Variants in LRRC7 observed in about 807,000 individuals in gnomAD.
LRRC7 encodes the protein leucine rich repeat containing 7.
A neutral mutation model predicts 175.7 loss-of-function variants in LRRC7; 23 were observed. The observed-to-expected ratio is 0.13, with a 90% CI of 0.09 to 0.19. The LOEUF (loss-of-function observed/expected upper bound fraction) is 0.19, where lower values mean the gene tolerates loss of function less well. Among genes scored for constraint, LRRC7 ranks in the 10% least tolerant of loss-of-function variants. The pLI is 1.00. For missense variants in LRRC7, 1,354 were observed against 1,904.7 expected (o/e 0.71, Z 5.38); for synonymous variants, 685 against 680.9 (o/e 1.01, Z -0.09).
chr1:69,579,320 G>C (rs370814605), intron 1 of LRRC7, among the ~76,000 whole-genome samples: 2 of 152,062 alleles, frequency 1.3e-5, no homozygotes, highest in East Asian at 1.9e-4. Context: ...ATAGTTTAAT[G>C]AAACTTCAGA....
At chr1:69,608,860 CTCTCTCTA>C (rs1241943245) in intron 1 of LRRC7, among the ~76,000 whole-genome samples, 99 of 23,414 alleles carry the variant, frequency 4.2e-3, no homozygotes, top group East Asian at 9.7e-3. Flanking sequence ...CTCTCTCTCT[CTCTCTCTA>C]TATATATATA....
chr1:69,833,545 A>G (rs1423631747), intron 5 of LRRC7, among the ~76,000 whole-genome samples: 1 of 152,140 alleles, frequency 6.6e-6, no homozygotes, highest in African/African-American at 2.4e-5. Flanking sequence ...TGCAAATATT[A>G]TATGTATATA....
At chr1:69,796,136 A>T (rs1453289927) in intron 4 of LRRC7, among the ~76,000 whole-genome samples, 3 of 96,342 alleles carry the variant, frequency 3.1e-5, no homozygotes, top group Non-Finnish European at 5.8e-5. Flanking sequence ...ACCCCTCAAC[A>T]GTCCCTGGTG....
intron 7 of LRRC7, among the ~76,000 whole-genome samples, chr1:69,928,614 G>T (rs867460288): frequency 2.0e-5 from 3 of 152,242 alleles, no homozygotes; most frequent in South Asian, 4.1e-4. Context: ...TCCGAGCCAT[G>T]TGCGGGATGT....
chr1:70,059,355 C>T (rs1251806911), intron 23 of LRRC7, among the ~76,000 whole-genome samples: 1 of 152,130 alleles, frequency 6.6e-6, no homozygotes, highest in Non-Finnish European at 1.5e-5. Flanking sequence ...TTATGCTGAA[C>T]TTGCCTGTGA....
At chr1:69,829,789 TG>T (rs2101283029) in intron 5 of LRRC7, among the ~76,000 whole-genome samples, 1 of 151,924 alleles carries the variant, frequency 6.6e-6, no homozygotes, top group African/African-American at 2.4e-5. Flanking sequence ...TTGAATACTT[TG>T]CAGGAAAGTA....
At chr1:69,844,766 T>C (rs1484143348) in intron 7 of LRRC7, among the ~76,000 whole-genome samples, 3 of 152,154 alleles carry the variant, frequency 2.0e-5, no homozygotes, top group Non-Finnish European at 2.9e-5. Flanking sequence ...CCATTCACTA[T>C]ATTTTACCAT....
chr1:69,906,359 C>T (rs1211588956), intron 7 of LRRC7, among the ~76,000 whole-genome samples: 1 of 152,094 alleles, frequency 6.6e-6, no homozygotes, highest in African/African-American at 2.4e-5. Context: ...AATAGTATTG[C>T]CTAGGTTTTC....
intron 3 of LRRC7, among the ~76,000 whole-genome samples, chr1:69,777,465 C>A (rs1360819198): frequency 2.6e-5 from 4 of 152,184 alleles, no homozygotes; most frequent in Non-Finnish European, 5.9e-5. Context: ...CATCTATTCT[C>A]ATATTCTCAG....
At chr1:69,799,987 A>G (rs1306102001) in intron 4 of LRRC7, among the ~76,000 whole-genome samples, 1 of 152,078 alleles carries the variant, frequency 6.6e-6, no homozygotes, top group Non-Finnish European at 1.5e-5. Context: ...AGCAGCATTT[A>G]TTGAAGAGGG....
chr1:69,975,059 T>A (rs1557947479), intron 8 of LRRC7, among the ~76,000 whole-genome samples: 1 of 152,342 alleles, frequency 6.6e-6, no homozygotes, highest in East Asian at 1.9e-4. Context: ...TTAAATGAGA[T>A]CCTTTAAAAT....
intron 1 of LRRC7, among the ~76,000 whole-genome samples, chr1:69,642,570 T>C (rs1454119333): frequency 6.6e-6 from 1 of 152,040 alleles, no homozygotes; most frequent in African/African-American, 2.4e-5. Context: ...TCTTCTTGTT[T>C]GCTCTAACGT....
At chr1:69,977,793 C>T (rs540365242) in intron 8 of LRRC7, among the ~76,000 whole-genome samples, 200 of 152,258 alleles carry the variant, frequency 1.3e-3, no homozygotes, top group African/African-American at 4.7e-3. Flanking sequence ...GGCAGAAACG[C>T]ATGCTGGACA....
chr1:69,830,317 T>A lies in LRRC7; in HGVS notation c.501-4463T>A, dbSNP rs751090171. 2.0e-5 allele frequency among the ~76,000 whole-genome samples: 3 copies of A among 151,822 alleles called. No individual in the cohort carries two copies. In the East Asian group the frequency reaches 5.8e-4, roughly 29 times the overall value. ...AGTGTCTCTGTTTGCCCAAATCATC[T>A]CTGTTTACTATTCTTGATTTGGCAT... On this transcript the variant is annotated intron_variant, in intron 5 of 26. Coordinates refer to ENST00000651989, the MANE Select transcript of LRRC7 (RefSeq NM_001370785.2).
chr1:70,053,929 T>C (rs1051488499), intron 23 of LRRC7, among the ~76,000 whole-genome samples: 2 of 152,160 alleles, frequency 1.3e-5, no homozygotes, highest in Admixed American at 6.6e-5. Flanking sequence ...GCAAAAGATA[T>C]GCCATTTACA....
intron 8 of LRRC7, among the ~76,000 whole-genome samples, chr1:69,943,988 A>AC (rs59855530): frequency 3.4e-5 from 5 of 145,132 alleles, no homozygotes; most frequent in Admixed American, 1.4e-4. Context: ...ACACACACAC[A>AC]ACATGAGATT....
intron 7 of LRRC7, among the ~76,000 whole-genome samples, chr1:69,923,525 T>C (rs551607426): frequency 7.2e-4 from 110 of 152,320 alleles, no homozygotes; most frequent in African/African-American, 2.6e-3. Context: ...TGGTGTGAGA[T>C]GGTATCTCAT....
chr1:69,628,496 A>G (rs998501205), intron 1 of LRRC7, among the ~76,000 whole-genome samples: 1 of 152,188 alleles, frequency 6.6e-6, no homozygotes, highest in Admixed American at 6.5e-5. Flanking sequence ...AAACTCAGAG[A>G]TATTCACCAT....
chr1:69,627,784 T>G (rs1419507305), intron 1 of LRRC7, among the ~76,000 whole-genome samples: 1 of 152,054 alleles, frequency 6.6e-6, no homozygotes, highest in African/African-American at 2.4e-5. Context: ...CTCTTAATTT[T>G]TGTTGTATAT....
Sources: gnomAD v4.1 joint callset for allele counts (sites outside exome capture counted in the v4.1 genomes callset) on GRCh38, gnomAD v4.1.1 for gene constraint, MANE v1.5 for transcripts, NCBI Gene and HGNC (gene_info 2026-07-23, HGNC 2026-07-21) for gene names.